PLCH1: variants seen among roughly 807,000 people sequenced by gnomAD.
The protein encoded by PLCH1 is 1-phosphatidylinositol 4,5-bisphosphate phosphodiesterase eta-1.
In PLCH1, 60 loss-of-function variants were observed where a neutral mutation model predicts 126.7. The ratio of observed to expected loss-of-function variants is 0.47; its 90% CI spans 0.38 to 0.59. PLCH1 has a LOEUF of 0.59. PLCH1 is among the 20% of genes least tolerant of loss of function. The probability of loss-of-function intolerance (pLI) is 0.00; values close to 1 mark genes in which losing one functional copy is unlikely to be tolerated. For missense variants in PLCH1, 1,723 were observed against 2,040.0 expected (o/e 0.84, Z 2.99); for synonymous variants, 719 against 734.9 (o/e 0.98, Z 0.35).
chr3:155,728,453 C>A (rs529648256), intron 1 of PLCH1, among the ~76,000 whole-genome samples: 2 of 152,094 alleles, frequency 1.3e-5, no homozygotes, highest in Non-Finnish European at 2.9e-5. Context: ...AATTATTATC[C>A]CTTTTGTTCT....
chr3:155,673,128 C>T (rs16825235), intron 2 of PLCH1, among the ~76,000 whole-genome samples: 6,819 of 140,292 alleles, frequency 0.049, 425 homozygotes, highest in African/African-American at 0.15. Flanking sequence ...ATTATAACAC[C>T]TGGTCCTTGC....
chr3:155,612,901 T>A, intron 2 of PLCH1, among the ~76,000 whole-genome samples: 2 of 82,864 alleles, frequency 2.4e-5, no homozygotes, highest in African/African-American at 5.9e-5. Flanking sequence ...AGAGTGAAAC[T>A]GTGTATTAAA....
At chr3:155,604,045 G>A (rs1310997205) in intron 2 of PLCH1, among the ~76,000 whole-genome samples, 1 of 152,192 alleles carries the variant, frequency 6.6e-6, no homozygotes, top group African/African-American at 2.4e-5. Flanking sequence ...GCTGCGGTGA[G>A]CTGTGATTGC....
rs141084581 is a variant in PLCH1 at position 155,619,362 on chromosome 3, G to A, written c.80-22984C>T. Among the ~76,000 whole-genome samples, 26 of 152,078 alleles carry A rather than the reference G, an allele frequency of 1.7e-4. No homozygotes were observed. The East Asian group carries it at 4.8e-3, about 28-fold the overall frequency. ...GTCCATCTACCTCCTTTGTTCAACTGCATTGTAAAAGGGAGTGCCTATTCC... is the reference window on the plus strand; with the variant it reads ...GTCCATCTACCTCCTTTGTTCAACTACATTGTAAAAGGGAGTGCCTATTCC... On this transcript the variant is annotated intron_variant, in intron 2 of 22. Transcript: ENST00000460012.
intron 18 of PLCH1, among the ~76,000 whole-genome samples, chr3:155,492,491 A>C (rs1401021366): frequency 6.6e-6 from 1 of 152,204 alleles, no homozygotes; most frequent in East Asian, 1.9e-4. Context: ...TAGCAATGCT[A>C]GTGTCAACCT....
chr3:155,563,098 G>A (rs1415234453), intron 8 of PLCH1, among the ~76,000 whole-genome samples: 1 of 152,138 alleles, frequency 6.6e-6, no homozygotes, highest in Non-Finnish European at 1.5e-5. Context: ...AAGTACTCCT[G>A]TTCTCTGCAC....
intron 1 of PLCH1, among the ~76,000 whole-genome samples, chr3:155,726,041 T>C (rs1249926344): frequency 1.3e-5 from 2 of 152,218 alleles, no homozygotes; most frequent in East Asian, 3.8e-4. Flanking sequence ...ATAATCATTA[T>C]CTCTAATCTC....
In PLCH1 at chr3:155,493,025, C is replaced by G. The variant is rs146487242; in HGVS notation, c.2183-172G>C. On this transcript the variant is annotated intron_variant, in intron 17 of 22. Coordinates refer to ENST00000460012, the MANE Select transcript of PLCH1 (RefSeq NM_014996.4). ...TCATTAGAAACCATGTTGCCAAAGGCCAGTGGAGTGGGCCAACTTAAAGCA... is the reference window on the plus strand; with the variant it reads ...TCATTAGAAACCATGTTGCCAAAGGGCAGTGGAGTGGGCCAACTTAAAGCA... 5.3e-5 allele frequency among the ~76,000 whole-genome samples: 8 copies of G among 152,322 alleles called. No individual in the cohort carries two copies. In the East Asian group the frequency reaches 1.5e-3, roughly 29 times the overall value.
At chr3:155,553,052 C>T (rs1331849038) in intron 9 of PLCH1, among the ~76,000 whole-genome samples, 1 of 152,160 alleles carries the variant, frequency 6.6e-6, no homozygotes, top group African/African-American at 2.4e-5. Context: ...TTATCTTCTG[C>T]TCACTGTTGT....
chr3:155,486,007 G>T (rs1715015928), intron 21 of PLCH1: 1 of 637,484 alleles, frequency 1.6e-6, no homozygotes, highest in Non-Finnish European at 2.7e-6. Context: ...AGACTGCTAT[G>T]AACTTCAGGC....
chr3:155,500,339 A>C lies in PLCH1; in HGVS notation c.1796+364T>G, dbSNP rs548372605. On this transcript the variant is annotated intron_variant, in intron 14 of 22. Transcript: ENST00000460012. The stretch of plus-strand genomic sequence containing the variant: ...GTTAAAGTTGGTAACTGGAGGAACA[A>C]GAATTTGAAATCTGGCTGATTTCAG... Among the ~76,000 whole-genome samples the C allele has an allele frequency of 3.3e-5, 5 of 152,338 alleles. No individual in the cohort carries two copies. The South Asian group carries it at 1.0e-3, about 32-fold the overall frequency.
At position 155,708,022 on chromosome 3, in the gene PLCH1, A is replaced by G. The variant is rs184659684; in HGVS notation, c.-40-3758T>C. ...AAATTCTTTCATGCACTGAACTCCC[A>G]TAATCCTGTTTCCCAGTTACTGAGA... On this transcript the variant is annotated intron_variant, in intron 1 of 22. Coordinates refer to ENST00000460012, the MANE Select transcript of PLCH1 (RefSeq NM_014996.4). 3.3e-5 allele frequency among the ~76,000 whole-genome samples: 5 copies of G among 152,302 alleles called. No homozygotes were observed. In the East Asian group the frequency reaches 7.7e-4, roughly 23 times the overall value.
At chr3:155,637,487 T>C (rs1738876618) in intron 2 of PLCH1, among the ~76,000 whole-genome samples, 1 of 152,236 alleles carries the variant, frequency 6.6e-6, no homozygotes, top group Non-Finnish European at 1.5e-5. Context: ...TAAGGATCCA[T>C]ATCTGTAGAT....
intron 1 of PLCH1, among the ~76,000 whole-genome samples, chr3:155,739,871 T>G (rs1342268060): frequency 6.6e-6 from 1 of 152,176 alleles, no homozygotes; most frequent in African/African-American, 2.4e-5. Flanking sequence ...ATAAAATAAG[T>G]GCCATCACGT....
Position 155,494,252 on chromosome 3 carries a change from T to A in PLCH1, c.2075-4A>T, listed in dbSNP as rs772086719. The A allele has an allele frequency of 3.7e-6, 6 of 1,613,578 alleles. No individual in the cohort carries two copies. Among genetic ancestry groups the A allele is most frequent in the Non-Finnish European group, 5.1e-6 (6 of 1,179,544 alleles). On this transcript the variant is annotated splice_polypyrimidine_tract_variant and splice_region_variant and intron_variant, in intron 16 of 22. Transcript: ENST00000460012. ...TCAGATTGATAATTCAGTGCCACTG[T>A]GCAAGTTGAAAGTGGGAGAGAATTA...
chr3:155,538,176 A>T (rs997607777), intron 10 of PLCH1, among the ~76,000 whole-genome samples: 6 of 152,214 alleles, frequency 3.9e-5, no homozygotes, highest in African/African-American at 1.4e-4. Flanking sequence ...ATCAAGACGG[A>T]AACTTAAAAA....
intron 8 of PLCH1, 84 bp downstream of exon 8, chr3:155,564,831 C>A: frequency 1.2e-6 from 1 of 825,002 alleles, no homozygotes; most frequent in South Asian, 1.5e-5. Flanking sequence ...TGTTTTAGGT[C>A]TCCATTCTTT....
In PLCH1 at chr3:155,538,901, T is replaced by C. The variant is rs192634226; in HGVS notation, c.1362+10886A>G. 2.6e-3 allele frequency among the ~76,000 whole-genome samples: 386 copies of C among 151,110 alleles called. 1 individual carries two copies. The highest frequency in any genetic ancestry group is 9.3e-3 in the Admixed American group (141 of 15,168). ...AAAGAATCCCCCCTAAATCATGCTATGAAGCCAGTATCACCCTAACACCAA... is the reference window on the plus strand; with the variant it reads ...AAAGAATCCCCCCTAAATCATGCTACGAAGCCAGTATCACCCTAACACCAA... On this transcript the variant is annotated intron_variant, in intron 10 of 22. Transcript: ENST00000460012.
chr3:155,666,891 GA>G (rs1742779084), intron 2 of PLCH1, among the ~76,000 whole-genome samples: 1 of 142,056 alleles, frequency 7.0e-6, no homozygotes, highest in African/African-American at 2.8e-5. Flanking sequence ...AGACACAGAT[GA>G]GGTGTGTGTG....
Sources: gnomAD v4.1 joint callset for allele counts (sites outside exome capture counted in the v4.1 genomes callset) on GRCh38, gnomAD v4.1.1 for gene constraint, MANE v1.5 for transcripts, NCBI Gene and HGNC (gene_info 2026-07-23, HGNC 2026-07-21) for gene names.